The following SYT3 variants were observed in gnomAD, a reference collection of about 807,000 sequenced individuals.
SYT3 encodes synaptotagmin-3.
A neutral mutation model predicts 50.6 loss-of-function variants in SYT3; 25 were observed. The ratio of observed to expected loss-of-function variants is 0.49; its 90% CI spans 0.36 to 0.69. SYT3 has a LOEUF of 0.69. SYT3 is among the 30% of genes least tolerant of loss of function. The pLI is 0.00. For synonymous variants in SYT3, 323 were observed against 353.9 expected, an observed-to-expected ratio of 0.91 and a Z score of 0.98; for missense variants, 589 against 793.6, an observed-to-expected ratio of 0.74 and a Z score of 3.10.
intron 6 of SYT3, among the ~76,000 whole-genome samples, chr19:50,626,311 A>G (rs1984060052): frequency 1.3e-5 from 2 of 152,054 alleles, no homozygotes; most frequent in South Asian, 4.2e-4. Flanking sequence ...ACAAAGAGAA[A>G]TAGACTGAGA....
At chr19:50,641,847 C>T (rs536759484), upstream of SYT3, among the ~76,000 whole-genome samples, 118 of 151,822 alleles carry the variant, frequency 7.8e-4, no homozygotes, top group Non-Finnish European at 1.4e-3. Flanking sequence ...GAGACCCTGT[C>T]TCAAAAATAA....
At position 50,632,432 on chromosome 19, in the gene SYT3, G is replaced by A. The variant is rs753705704; in HGVS notation, c.528C>T (p.Ala176=). Residue 176 remains alanine, a synonymous_variant, in exon 4 of 11, where the codon GCC becomes GCT. Transcript: ENST00000600079. The surrounding 1 kb of genome is among the most constrained non-coding windows in gnomAD (Gnocchi z 4.7). ...ATGTTTGGCTCGGTTTGACCCCAGCGGCCACTGCTGCTGCTGCAGCCTCTG... is the reference window on the plus strand; with the variant it reads ...ATGTTTGGCTCGGTTTGACCCCAGCAGCCACTGCTGCTGCTGCAGCCTCTG... The part of the protein sequence containing the change: ...SYPEAAAAAV[A]AGVKPSQTSP... The A allele has an allele frequency of 4.3e-6, 7 of 1,613,450 alleles. No individual in the cohort carries two copies. Among genetic ancestry groups the A allele is most frequent in the East Asian group, 2.2e-5 (1 of 44,868 alleles).
upstream of SYT3, among the ~76,000 whole-genome samples, chr19:50,642,669 AC>A (rs1984699784): frequency 6.6e-6 from 1 of 152,124 alleles, no homozygotes; most frequent in Admixed American, 6.5e-5. Flanking sequence ...CCCCGTCTCT[AC>A]TAAAAATACA....
At chr19:50,649,653 A>G in the SYT3 span, 2 of 958,806 alleles carry the variant, frequency 2.1e-6, no homozygotes, top group Middle Eastern at 4.1e-4. Flanking sequence ...GATTCACCAG[A>G]TTCCTGGAGA....
chr19:50,632,389 C>G lies in SYT3; in HGVS notation c.571G>C (p.Glu191Gln). 4.3e-6 allele frequency: 7 copies of G among 1,613,386 alleles called. No individual in the cohort carries two copies. The highest frequency in any genetic ancestry group is 5.9e-6 in the Non-Finnish European group (7 of 1,179,584). ...PSQTSPELPS[E>Q]GGAGSGLLLL... ...AGCAACCCAGAGCCTGCTCCCCCCT[C>G]AGAGGGCAGCTCAGGGGATGTTTGG... The change falls in exon 4 of 11, where the codon GAG (glutamate) becomes CAG (glutamine). Residue 191 changes from glutamate to glutamine, a missense_variant. Transcript: ENST00000600079. This position sits in a 1 kb window ranked among gnomAD's most constrained non-coding sequence, Gnocchi z 4.7.
chr19:50,646,022 C>T, the SYT3 span, among the ~76,000 whole-genome samples: 1 of 152,032 alleles, frequency 6.6e-6, no homozygotes, highest in Non-Finnish European at 1.5e-5. Flanking sequence ...GACATAGAGT[C>T]CCAAATCCCA....
chr19:50,631,535 G>T (rs10416270), intron 4 of SYT3, among the ~76,000 whole-genome samples: 19,945 of 151,996 alleles, frequency 0.13, 1,809 homozygotes, highest in African/African-American at 0.23. Context: ...CTGTCCCCTT[G>T]GTGTGGGCTG....
At chr19:50,647,533 A>G in the SYT3 span, among the ~76,000 whole-genome samples, 3 of 151,308 alleles carry the variant, frequency 2.0e-5, no homozygotes. Flanking sequence ...AAAAATAAAT[A>G]GCTGGGCGTA....
intron 3 of SYT3, among the ~76,000 whole-genome samples, chr19:50,635,722 C>T (rs4801842): frequency 0.47 from 71,683 of 151,890 alleles, 18,146 homozygotes; most frequent in Middle Eastern, 0.64. Flanking sequence ...TATATGAGGC[C>T]GACCCCCAAT....
chr19:50,643,735 A>T (rs1030016496), upstream of SYT3, among the ~76,000 whole-genome samples: 4 of 151,918 alleles, frequency 2.6e-5, no homozygotes, highest in African/African-American at 9.7e-5. Context: ...GCAGGGATTC[A>T]TCTGGGAACA....
In SYT3 at chr19:50,625,620, C is replaced by T; in HGVS notation, c.1403-56G>A. The T allele has an allele frequency of 6.6e-7, 1 of 1,505,852 alleles. No individual in the cohort carries two copies. The highest frequency in any genetic ancestry group is 1.4e-5 in the South Asian group (1 of 73,430). 93.3% of individuals were successfully genotyped at this position (1,505,852 alleles called of 1,614,324 possible). On this transcript the variant is annotated intron_variant, in intron 7 of 10. Coordinates refer to ENST00000600079, the MANE Select transcript of SYT3 (RefSeq NM_001160329.2). The surrounding 1 kb of genome is among the most constrained non-coding windows in gnomAD (Gnocchi z 7.5). ...ACTCACTCCCTCAGACCTAGGGGTCCAGGACCCCAGGCCCCGAGCCCCTCC... is the reference window on the plus strand; with the variant it reads ...ACTCACTCCCTCAGACCTAGGGGTCTAGGACCCCAGGCCCCGAGCCCCTCC...
the SYT3 span, among the ~76,000 whole-genome samples, chr19:50,647,140 T>C: frequency 6.6e-6 from 1 of 151,908 alleles, no homozygotes; most frequent in Non-Finnish European, 1.5e-5. Flanking sequence ...GCGGGAGGGA[T>C]TATTTATATA....
upstream of SYT3, among the ~76,000 whole-genome samples, chr19:50,640,436 C>T (rs1327342522): frequency 6.6e-6 from 1 of 152,232 alleles, no homozygotes; most frequent in African/African-American, 2.4e-5. Context: ...ATGAATATTT[C>T]TCAAAAGTAG....
chr19:50,649,574 C>G, the SYT3 span: 1 of 1,505,864 alleles, frequency 6.6e-7, no homozygotes, highest in Non-Finnish European at 8.9e-7. Context: ...GCGTAGTAGC[C>G]CGGGCTCACA....
the SYT3 span, among the ~76,000 whole-genome samples, chr19:50,653,682 GCACACACACACACACACACACA>G: frequency 0.015 from 1,801 of 121,928 alleles, 48 homozygotes; most frequent in African/African-American, 0.046. Context: ...ATGAGAGACA[GCACACACACACACACACACACA>G]CACACACACA....
At chr19:50,649,258 A>T in the SYT3 span, among the ~76,000 whole-genome samples, 1 of 151,404 alleles carries the variant, frequency 6.6e-6, no homozygotes, top group African/African-American at 2.4e-5. Flanking sequence ...GCACACAGGG[A>T]GTCCCTGAGG....
the SYT3 span, among the ~76,000 whole-genome samples, chr19:50,653,682 G>GCACACACACACA: frequency 1.7e-4 from 21 of 121,924 alleles, no homozygotes; most frequent in East Asian, 5.3e-4. Context: ...ATGAGAGACA[G>GCACACACACACA]CACACACACA....
chr19:50,645,031 A>G, the SYT3 span, among the ~76,000 whole-genome samples: 13 of 152,342 alleles, frequency 8.5e-5, no homozygotes, highest in East Asian at 1.5e-3. Flanking sequence ...ATGCAGATAC[A>G]CTCAGAGGCA....
Position 50,637,412 on chromosome 19 carries a change from G to A in SYT3, c.-1C>T, listed in dbSNP as rs766069512. ...GGTCATCCTCGTAGTCTCCTGACATGGTGGCCGTCTGGTCCTGTGTGTGGG... is the reference window on the plus strand; with the variant it reads ...GGTCATCCTCGTAGTCTCCTGACATAGTGGCCGTCTGGTCCTGTGTGTGGG... On this transcript the variant is annotated 5_prime_UTR_variant, in exon 3 of 11. Transcript: ENST00000600079. This position sits in a 1 kb window ranked among gnomAD's most constrained non-coding sequence, Gnocchi z 4.9. 23 of 1,595,310 alleles carry A rather than the reference G, an allele frequency of 1.4e-5. No individual in the cohort carries two copies. The highest frequency in any genetic ancestry group is 2.0e-5 in the Non-Finnish European group (23 of 1,169,468).
Sources: gnomAD v4.1 joint callset for allele counts (sites outside exome capture counted in the v4.1 genomes callset) on GRCh38, gnomAD v4.1.1 for gene constraint, Gnocchi (gnomAD v3.1) non-coding constraint, MANE v1.5 for transcripts, NCBI Gene and HGNC (gene_info 2026-07-23, HGNC 2026-07-21) for gene names.